Variants in SNTG2 observed in about 807,000 individuals in gnomAD.
The protein encoded by SNTG2 is syntrophin gamma 2.
SNTG2 carries 74 observed loss-of-function variants against 70.9 expected under a neutral mutation model. The observed-to-expected ratio is 1.04, with a 90% CI of 0.86 to 1.27. SNTG2 has a LOEUF of 1.27. Ranked by LOEUF, SNTG2 falls within the 50% of genes most tolerant of loss-of-function variation. SNTG2 has a pLI of 0.00. For missense variants in SNTG2, 717 were observed against 690.7 expected (o/e 1.04, Z -0.43); for synonymous variants, 278 against 273.8 (o/e 1.02, Z -0.15).
intron 1 of SNTG2, among the ~76,000 whole-genome samples, chr2:1,078,691 C>T (rs1329538446): frequency 6.6e-6 from 1 of 152,266 alleles, no homozygotes; most frequent in Non-Finnish European, 1.5e-5. Context: ...CAGGGCCGCC[C>T]AGCTGTGACC....
At chr2:1,287,068 TTGGAAGGAACTC>T (rs1269319020) in intron 14 of SNTG2, among the ~76,000 whole-genome samples, 1 of 152,142 alleles carries the variant, frequency 6.6e-6, no homozygotes. Flanking sequence ...GCAGGCGTGT[TTGGAAGGAACTC>T]TGGGTTGGGG....
At chr2:1,011,803 A>C (rs549270975) in intron 1 of SNTG2, among the ~76,000 whole-genome samples, 1 of 152,302 alleles carries the variant, frequency 6.6e-6, no homozygotes, top group Admixed American at 6.5e-5. Context: ...TATCAACTAA[A>C]AAACACATTT....
At chr2:976,636 A>G (rs903552201) in intron 1 of SNTG2, among the ~76,000 whole-genome samples, 2 of 152,168 alleles carry the variant, frequency 1.3e-5, no homozygotes, top group African/African-American at 2.4e-5. Context: ...CGCATCTTCT[A>G]TCACCCATTT....
At chr2:1,103,390 T>TTTC in intron 4 of SNTG2, 2 of 272,076 alleles carry the variant, frequency 7.4e-6, no homozygotes, top group Non-Finnish European at 1.5e-5. Flanking sequence ...TTTTTTTTTT[T>TTTC]ATTTTTTTTT....
chr2:1,250,572 A>G (rs925072227), intron 12 of SNTG2, among the ~76,000 whole-genome samples: 1 of 136,860 alleles, frequency 7.3e-6, no homozygotes, highest in African/African-American at 2.8e-5. Flanking sequence ...CTCTTTCTCC[A>G]TCTGTCTTTG....
chr2:1,092,689 A>T (rs528374217), intron 2 of SNTG2, among the ~76,000 whole-genome samples: 1 of 152,224 alleles, frequency 6.6e-6, no homozygotes, highest in Non-Finnish European at 1.5e-5. Context: ...AGAAGACCAG[A>T]ATAAGAAATA....
chr2:1,069,746 G>A (rs776903549), intron 1 of SNTG2, among the ~76,000 whole-genome samples: 4 of 151,986 alleles, frequency 2.6e-5, no homozygotes, highest in African/African-American at 7.3e-5. Flanking sequence ...AGCCGAGATC[G>A]CACCACTGCA....
At chr2:1,294,465 A>G (rs544456444) in intron 14 of SNTG2, among the ~76,000 whole-genome samples, 1 of 152,352 alleles carries the variant, frequency 6.6e-6, no homozygotes, top group East Asian at 1.9e-4. Flanking sequence ...AAAAACAGAG[A>G]TTTAGCTTTC....
intron 14 of SNTG2, 117 bp downstream of exon 14, chr2:1,267,688 C>G (rs1678820375): frequency 1.1e-6 from 1 of 929,818 alleles, no homozygotes; most frequent in Non-Finnish European, 1.6e-6. Flanking sequence ...AGGTGAGAAT[C>G]TTTCACCGGA....
chr2:979,298 G>A (rs1661022183), intron 1 of SNTG2, among the ~76,000 whole-genome samples: 2 of 152,322 alleles, frequency 1.3e-5, no homozygotes, highest in Admixed American at 1.3e-4. Flanking sequence ...GCATTCCCCA[G>A]TATTTAACAG....
chr2:1,026,994 C>G (rs906424956), intron 1 of SNTG2, among the ~76,000 whole-genome samples: 1 of 152,220 alleles, frequency 6.6e-6, no homozygotes, highest in Admixed American at 6.5e-5. Flanking sequence ...CTTGGCTCAG[C>G]CTCCATCGTG....
chr2:1,175,674 G>A (rs1375521085), intron 8 of SNTG2, among the ~76,000 whole-genome samples: 1 of 152,086 alleles, frequency 6.6e-6, no homozygotes, highest in Non-Finnish European at 1.5e-5. Context: ...CCATTTGTCT[G>A]CAACACCCTG....
chr2:1,038,420 A>G (rs1253836328), intron 1 of SNTG2, among the ~76,000 whole-genome samples: 1 of 152,202 alleles, frequency 6.6e-6, no homozygotes, highest in Non-Finnish European at 1.5e-5. Context: ...TTGTATGTGA[A>G]ATGAACAGTG....
intron 4 of SNTG2, among the ~76,000 whole-genome samples, chr2:1,109,916 G>C (rs1666328969): frequency 6.6e-6 from 1 of 152,172 alleles, no homozygotes; most frequent in African/African-American, 2.4e-5. Flanking sequence ...CGAACCTTCA[G>C]TCGTTCTCAT....
chr2:1,277,781 G>C (rs1406629105), intron 14 of SNTG2, among the ~76,000 whole-genome samples: 1 of 152,154 alleles, frequency 6.6e-6, no homozygotes, highest in Non-Finnish European at 1.5e-5. Flanking sequence ...GGAGGTTTTT[G>C]TGCAGGGCTA....
chr2:1,217,191 A>G (rs1254143607), intron 9 of SNTG2, among the ~76,000 whole-genome samples: 1 of 152,224 alleles, frequency 6.6e-6, no homozygotes, highest in Admixed American at 6.5e-5. Context: ...ATATGTATTT[A>G]TATGATACAA....
rs1668624403 is a variant in SNTG2, at chr2:1,139,712, C to T, written c.411+1903C>T. 4.6e-5 allele frequency among the ~76,000 whole-genome samples: 7 copies of T among 151,678 alleles called. 1 individual carries two copies. The highest frequency in any genetic ancestry group is 4.6e-4 in the Admixed American group (7 of 15,206). Reference sequence around the variant, plus strand: ...GGCATGGTGGCGCATACCTGTAGCCCCAGCTACTTAGGAGGCTGAGGTGGG... The same window carrying T: ...GGCATGGTGGCGCATACCTGTAGCCTCAGCTACTTAGGAGGCTGAGGTGGG... On this transcript the variant is annotated intron_variant, in intron 6 of 16. Transcript: ENST00000308624.
intron 6 of SNTG2, among the ~76,000 whole-genome samples, chr2:1,150,150 T>G (rs1382877790): frequency 6.6e-6 from 1 of 152,168 alleles, no homozygotes; most frequent in Non-Finnish European, 1.5e-5. Context: ...TGAGAGGCTG[T>G]TTTAAAATGC....
At chr2:999,165 G>A (rs960573442) in intron 1 of SNTG2, among the ~76,000 whole-genome samples, 2 of 151,990 alleles carry the variant, frequency 1.3e-5, no homozygotes, top group Admixed American at 6.5e-5. Context: ...ACAAAATGTT[G>A]ATACCATAAT....
Sources: gnomAD v4.1 joint callset for allele counts (sites outside exome capture counted in the v4.1 genomes callset) on GRCh38, gnomAD v4.1.1 for gene constraint, MANE v1.5 for transcripts, NCBI Gene and HGNC (gene_info 2026-07-23, HGNC 2026-07-21) for gene names.